DLG2: variants seen among roughly 807,000 people sequenced by gnomAD.
DLG2 encodes disks large homolog 2.
A neutral mutation model predicts 132.5 loss-of-function variants in DLG2; 45 were observed. The ratio of observed to expected loss-of-function variants is 0.34; its 90% CI spans 0.27 to 0.44. The LOEUF (loss-of-function observed/expected upper bound fraction) is 0.44. DLG2 is among the 20% of genes least tolerant of loss of function. DLG2 has a pLI of 1.00. For synonymous variants in DLG2, 424 were observed against 419.6 expected (o/e 1.01, Z -0.13); for missense variants, 1,045 against 1,196.9 (o/e 0.87, Z 1.87).
intron 4 of DLG2, among the ~76,000 whole-genome samples, chr11:85,262,561 C>T (rs1443939494): frequency 2.0e-5 from 3 of 152,134 alleles, no homozygotes; most frequent in Non-Finnish European, 4.4e-5. Flanking sequence ...CACCCTAGCA[C>T]CTGGATCCAT....
At chr11:83,946,534 C>G (rs923837223) in intron 14 of DLG2, among the ~76,000 whole-genome samples, 1 of 152,078 alleles carries the variant, frequency 6.6e-6, no homozygotes, top group Non-Finnish European at 1.5e-5. Flanking sequence ...TAGACCCGCT[C>G]TTTTTGAAAA....
At chr11:85,399,894 C>G (rs1207140380) in intron 3 of DLG2, among the ~76,000 whole-genome samples, 1 of 152,072 alleles carries the variant, frequency 6.6e-6, no homozygotes, top group Non-Finnish European at 1.5e-5. Flanking sequence ...GTCTAAAACA[C>G]CAAAAGCAAT....
chr11:84,422,773 A>T (rs1297712793), intron 7 of DLG2, among the ~76,000 whole-genome samples: 1 of 152,184 alleles, frequency 6.6e-6, no homozygotes, highest in African/African-American at 2.4e-5. Context: ...TGTTCCAGTA[A>T]ATGGAGTACC....
At chr11:84,163,539 A>G (rs201593991) in intron 8 of DLG2, 28 bp from the exon 9 acceptor site, 4 of 1,575,152 alleles carry the variant, frequency 2.5e-6, no homozygotes, top group Non-Finnish European at 3.5e-6. Flanking sequence ...ATAAGAAGAG[A>G]ACTATTAAAT....
At chr11:84,497,781 C>T (rs2099189016) in intron 7 of DLG2, among the ~76,000 whole-genome samples, 1 of 152,066 alleles carries the variant, frequency 6.6e-6, no homozygotes, top group South Asian at 2.1e-4. Flanking sequence ...ATTCACATGC[C>T]GTTATACCTC....
chr11:84,937,851 A>G (rs572871021), intron 6 of DLG2, among the ~76,000 whole-genome samples: 2 of 152,330 alleles, frequency 1.3e-5, no homozygotes, highest in African/African-American at 2.4e-5. Flanking sequence ...ACTAGTCTTA[A>G]AAGTACAGCA....
intron 3 of DLG2, among the ~76,000 whole-genome samples, chr11:85,533,312 C>T (rs1024459988): frequency 2.0e-5 from 3 of 151,972 alleles, no homozygotes; most frequent in South Asian, 2.1e-4. Context: ...GCATGAGCCA[C>T]CACACCCAGC....
intron 6 of DLG2, among the ~76,000 whole-genome samples, chr11:84,727,767 T>C (rs910746503): frequency 3.5e-4 from 53 of 152,362 alleles, no homozygotes; most frequent in Middle Eastern, 6.8e-3. Context: ...TCCTCTCTTA[T>C]TTCCTTGAGC....
At chr11:83,811,431 T>C (rs1451396) in intron 17 of DLG2, among the ~76,000 whole-genome samples, 68,154 of 151,792 alleles carry the variant, frequency 0.45, 15,525 homozygotes, top group Middle Eastern at 0.61. Flanking sequence ...GGCAACTTCA[T>C]ATGGTTCAGC....
intron 18 of DLG2, among the ~76,000 whole-genome samples, chr11:83,747,714 C>T (rs1171464388): frequency 6.6e-6 from 1 of 151,904 alleles, no homozygotes; most frequent in East Asian, 1.9e-4. Context: ...ATTTTATAAG[C>T]ATATTTAGTT....
intron 3 of DLG2, among the ~76,000 whole-genome samples, chr11:85,461,251 T>C (rs2092601432): frequency 6.6e-6 from 1 of 152,218 alleles, no homozygotes; most frequent in Non-Finnish European, 1.5e-5. Context: ...GGTTTCCTTT[T>C]TCAGCCTTAA....
intron 7 of DLG2, among the ~76,000 whole-genome samples, chr11:84,394,114 C>T (rs1017139585): frequency 5.3e-5 from 8 of 152,056 alleles, no homozygotes; most frequent in South Asian, 2.1e-4. Flanking sequence ...TGATCTCAAG[C>T]GATCCACCCG....
At chr11:83,494,430 CT>C (rs892204822) in intron 21 of DLG2, among the ~76,000 whole-genome samples, 1 of 151,268 alleles carries the variant, frequency 6.6e-6, no homozygotes, top group Non-Finnish European at 1.5e-5. Flanking sequence ...CAAATTACTC[CT>C]CTGCCGGGCT....
intron 18 of DLG2, among the ~76,000 whole-genome samples, chr11:83,665,718 G>A (rs1171353407): frequency 6.6e-6 from 1 of 152,108 alleles, no homozygotes; most frequent in Non-Finnish European, 1.5e-5. Context: ...GATCAGACGT[G>A]CCCCTTGTCA....
At chr11:83,941,086 T>C (rs1426952049) in intron 14 of DLG2, among the ~76,000 whole-genome samples, 2 of 152,218 alleles carry the variant, frequency 1.3e-5, no homozygotes, top group Non-Finnish European at 2.9e-5. Flanking sequence ...AATAAAAATA[T>C]AGGATGCCCC....
intron 18 of DLG2, among the ~76,000 whole-genome samples, chr11:83,780,169 T>C (rs2094755138): frequency 6.6e-6 from 1 of 152,236 alleles, no homozygotes; most frequent in Non-Finnish European, 1.5e-5. Context: ...AAGAAATATG[T>C]CTTGCATTGT....
At chr11:83,464,188 C>T (rs2090580978) in intron 26 of DLG2, among the ~76,000 whole-genome samples, 1 of 152,170 alleles carries the variant, frequency 6.6e-6, no homozygotes, top group African/African-American at 2.4e-5. Context: ...GGAAAGGGAA[C>T]AGAAGTCAGA....
At chr11:83,969,551 G>A (rs1005428017) in intron 12 of DLG2, among the ~76,000 whole-genome samples, 3 of 152,058 alleles carry the variant, frequency 2.0e-5, no homozygotes, top group Non-Finnish European at 2.9e-5. Flanking sequence ...TACCACTTGT[G>A]CTTAGATAAT....
intron 3 of DLG2, among the ~76,000 whole-genome samples, chr11:85,438,258 G>A (rs534585798): frequency 3.3e-5 from 5 of 152,096 alleles, no homozygotes; most frequent in Admixed American, 1.3e-4. Context: ...ACCTCCCAAC[G>A]GACTCCACCT....
Sources: gnomAD v4.1 joint callset for allele counts (sites outside exome capture counted in the v4.1 genomes callset) on GRCh38, gnomAD v4.1.1 for gene constraint, MANE v1.5 for transcripts, NCBI Gene and HGNC (gene_info 2026-07-23, HGNC 2026-07-21) for gene names.